The following AOAH variants were observed in gnomAD, a reference collection of about 807,000 sequenced individuals.
AOAH encodes the protein acyloxyacyl hydrolase.
A neutral mutation model predicts 92.2 loss-of-function variants in AOAH; 64 were observed. The ratio of observed to expected loss-of-function variants is 0.69; its 90% confidence interval spans 0.57 to 0.86. AOAH has a LOEUF of 0.86. Among genes scored for constraint, AOAH ranks in the 40% least tolerant of loss-of-function variants. The pLI is 0.00. For missense variants in AOAH, 656 were observed against 694.6 expected (o/e 0.94, Z 0.62); for synonymous variants, 263 against 254.5 (o/e 1.03, Z -0.32).
chr7:36,537,751 G>C (rs977226207), intron 16 of AOAH, among the ~76,000 whole-genome samples: 1 of 151,856 alleles, frequency 6.6e-6, no homozygotes, highest in African/African-American at 2.4e-5. Context: ...TTGAACTCCT[G>C]ACCTCAGGTG....
intron 13 of AOAH, among the ~76,000 whole-genome samples, chr7:36,553,106 C>T (rs926111943): frequency 6.9e-5 from 10 of 145,080 alleles, no homozygotes; most frequent in African/African-American, 2.3e-4. Context: ...TCTCCCAATG[C>T]TATCCCTCCC....
At chr7:36,603,007 C>T (rs1179598740) in intron 11 of AOAH, among the ~76,000 whole-genome samples, 3 of 152,212 alleles carry the variant, frequency 2.0e-5, no homozygotes, top group African/African-American at 7.2e-5. Context: ...ACTGCAGCAA[C>T]CTCTGGCCAG....
intron 6 of AOAH, among the ~76,000 whole-genome samples, chr7:36,631,699 T>C (rs1020260911): frequency 6.6e-6 from 1 of 152,168 alleles, no homozygotes; most frequent in African/African-American, 2.4e-5. Context: ...CCCTGGTCCA[T>C]AGTTCACATG....
chr7:36,692,278 T>C (rs1797449541), intron 1 of AOAH, among the ~76,000 whole-genome samples: 1 of 152,208 alleles, frequency 6.6e-6, no homozygotes, highest in African/African-American at 2.4e-5. Flanking sequence ...ACACATCTTC[T>C]CCACGAACTC....
intron 1 of AOAH, among the ~76,000 whole-genome samples, chr7:36,708,955 T>C (rs771696136): frequency 2.0e-5 from 3 of 152,142 alleles, no homozygotes; most frequent in Non-Finnish European, 4.4e-5. Context: ...CTAGGGAATA[T>C]ATTCTAAGTG....
intron 1 of AOAH, among the ~76,000 whole-genome samples, chr7:36,688,311 A>C (rs913344568): frequency 6.6e-6 from 1 of 152,230 alleles, no homozygotes; most frequent in Admixed American, 6.5e-5. Flanking sequence ...AATACAGAAC[A>C]GTATAAGAAA....
intron 11 of AOAH, among the ~76,000 whole-genome samples, chr7:36,610,589 A>G (rs1791388300): frequency 6.6e-6 from 1 of 152,030 alleles, no homozygotes; most frequent in South Asian, 2.1e-4. Flanking sequence ...TCTGGGTGGT[A>G]GTATTAAGGA....
At chr7:36,619,658 G>A (rs776743418) in intron 9 of AOAH, among the ~76,000 whole-genome samples, 19 of 152,186 alleles carry the variant, frequency 1.2e-4, no homozygotes, top group Non-Finnish European at 2.8e-4. Context: ...GGGCACAGCT[G>A]TCTCTCATGC....
chr7:36,712,580 T>A (rs28491627), intron 1 of AOAH, among the ~76,000 whole-genome samples: 1 of 152,050 alleles, frequency 6.6e-6, no homozygotes, highest in Non-Finnish European at 1.5e-5. Context: ...TCAAGCATAG[T>A]CGACCCCTGG....
chr7:36,645,480 G>A (rs1794171177), intron 4 of AOAH, among the ~76,000 whole-genome samples: 1 of 152,188 alleles, frequency 6.6e-6, no homozygotes, highest in African/African-American at 2.4e-5. Context: ...CCAACAGAGA[G>A]GTACAGAAAA....
intron 16 of AOAH, among the ~76,000 whole-genome samples, chr7:36,538,685 C>G (rs1785233771): frequency 6.6e-6 from 1 of 152,108 alleles, no homozygotes; most frequent in African/African-American, 2.4e-5. Context: ...TCCCGTGGTT[C>G]AAAGAGACAT....
chr7:36,585,370 T>A (rs537179122), intron 12 of AOAH, among the ~76,000 whole-genome samples: 1 of 152,256 alleles, frequency 6.6e-6, no homozygotes, highest in South Asian at 2.1e-4. Flanking sequence ...TATCCAGTAT[T>A]GGCAAGGGTG....
intron 5 of AOAH, among the ~76,000 whole-genome samples, chr7:36,633,004 CGTGGA>C (rs1158231476): frequency 6.6e-6 from 1 of 152,226 alleles, no homozygotes; most frequent in African/African-American, 2.4e-5. Context: ...CTCAGCTCTC[CGTGGA>C]GTGGAGGGCA....
At chr7:36,681,413 A>C (rs1211093670) in intron 2 of AOAH, among the ~76,000 whole-genome samples, 3 of 152,218 alleles carry the variant, frequency 2.0e-5, no homozygotes, top group Non-Finnish European at 4.4e-5. Flanking sequence ...GTGAAAAAAA[A>C]ACTTGCTGAG....
At chr7:36,704,541 T>C (rs909947379) in intron 1 of AOAH, among the ~76,000 whole-genome samples, 46 of 152,078 alleles carry the variant, frequency 3.0e-4, no homozygotes, top group African/African-American at 1.1e-3. Flanking sequence ...GATGGATTCA[T>C]AGCAAATTCT....
At chr7:36,644,914 G>C (rs1452120222) in intron 4 of AOAH, among the ~76,000 whole-genome samples, 1 of 151,326 alleles carries the variant, frequency 6.6e-6, no homozygotes, top group Non-Finnish European at 1.5e-5. Flanking sequence ...CATGAATGAG[G>C]GGGGAGGTGG....
In AOAH at chr7:36,532,148, T is replaced by A; in HGVS notation, c.1424A>T (p.Glu475Val). The change falls in exon 18 of 21, where the codon GAG (glutamate) becomes GTG (valine). Residue 475 changes from glutamate to valine, a missense_variant and splice_region_variant. Physicochemically the swap from Glu to Val is moderately radical, Grantham distance 121. Coordinates refer to ENST00000617537, the MANE Select transcript of AOAH (RefSeq NM_001637.4). ...TCAAAAGGCCTGTGACAGTCATACC[T>A]CTGAAGTGAGAGTCCGCAACGTCTT... ...SNKTLRTLTS[E>V]RAEQLSNTLK... The A allele has an allele frequency of 6.2e-7, 1 of 1,614,152 alleles. No individual in the cohort carries two copies. The highest frequency in any genetic ancestry group is 8.5e-7 in the Non-Finnish European group (1 of 1,180,024).
intron 20 of AOAH, among the ~76,000 whole-genome samples, chr7:36,519,985 A>C (rs1037309095): frequency 1.3e-5 from 2 of 152,224 alleles, no homozygotes; most frequent in African/African-American, 4.8e-5. Flanking sequence ...TTTTCAGCTC[A>C]ATATACATGA....
intron 1 of AOAH, among the ~76,000 whole-genome samples, chr7:36,712,819 C>T (rs1229439316): frequency 2.0e-5 from 3 of 152,138 alleles, no homozygotes; most frequent in South Asian, 4.1e-4. Context: ...CCTAAAAGAG[C>T]TCCTGAAGGA....
Sources: allele counts gnomAD v4.1 joint callset (sites outside exome capture counted in the v4.1 genomes callset), GRCh38; gene constraint gnomAD v4.1.1; transcripts MANE v1.5; gene names NCBI Gene and HGNC (gene_info 2026-07-23, HGNC 2026-07-21).